Variants in DNAH11 observed in about 807,000 individuals in gnomAD.
DNAH11 encodes axonemal beta dynein heavy chain 11.
In DNAH11, 442 loss-of-function variants were observed where a neutral mutation model predicts 526.0. The ratio of observed to expected loss-of-function variants is 0.84; its 90% CI spans 0.78 to 0.91. DNAH11 has a LOEUF of 0.91. Ranked by LOEUF, DNAH11 falls within the 40% of genes least tolerant of loss-of-function variation. DNAH11 has a pLI of 0.00. For synonymous variants in DNAH11, 2,461 were observed against 1,935.9 expected, an observed-to-expected ratio of 1.27 and a Z score of -7.12; for missense variants, 6,989 against 5,448.7, an observed-to-expected ratio of 1.28 and a Z score of -8.90.
intron 74 of DNAH11, among the ~76,000 whole-genome samples, chr7:21,879,021 T>A (rs1334531250): frequency 7.9e-5 from 12 of 152,186 alleles, no homozygotes; most frequent in Non-Finnish European, 1.3e-4. Flanking sequence ...AACTGCCAAA[T>A]CTGAACATGG....
chr7:21,707,909 T>G, intron 40 of DNAH11, 74 bp downstream of exon 40: 1 of 1,465,470 alleles, frequency 6.8e-7, no homozygotes, highest in East Asian at 2.3e-5. Flanking sequence ...CAAGCCAATT[T>G]TAGTCATAGT....
At chr7:21,894,835 T>C in intron 78 of DNAH11, 30 bp downstream of exon 78, 2 of 1,611,888 alleles carry the variant, frequency 1.2e-6, no homozygotes, top group Admixed American at 1.7e-5. Flanking sequence ...ATAGTAGACT[T>C]CAGCACATTG....
intron 34 of DNAH11, among the ~76,000 whole-genome samples, chr7:21,689,640 C>A (rs1216060135): frequency 6.6e-6 from 1 of 152,216 alleles, no homozygotes; most frequent in Admixed American, 6.5e-5. Flanking sequence ...TGTCTGCCTT[C>A]CCTAGCCTGA....
chr7:21,726,757 A>C (rs1382336189), intron 45 of DNAH11, among the ~76,000 whole-genome samples: 1 of 140,898 alleles, frequency 7.1e-6, no homozygotes, highest in African/African-American at 2.6e-5. Flanking sequence ...GCTACTCGGG[A>C]GTCTGAGGCA....
At chr7:21,707,664 A>G (rs773188573) in intron 39 of DNAH11, 35 bp from the exon 40 acceptor site, 3 of 1,599,840 alleles carry the variant, frequency 1.9e-6, no homozygotes, top group Admixed American at 1.8e-5. Flanking sequence ...TTATGTTAGT[A>G]TTAATTTTTT....
intron 65 of DNAH11, among the ~76,000 whole-genome samples, chr7:21,822,173 A>ACTCATGGTTAAATC (rs1221533865): frequency 7.9e-5 from 12 of 152,248 alleles, no homozygotes; most frequent in African/African-American, 2.4e-4. Context: ...ATTTTTTTTA[A>ACTCATGGTTAAATC]AAAGAGTTTG....
At chr7:21,588,364 G>A in intron 10 of DNAH11, 148 bp from the exon 11 acceptor site, 2 of 1,310,718 alleles carry the variant, frequency 1.5e-6, no homozygotes, top group South Asian at 2.9e-5. Flanking sequence ...CTTGCTTTAG[G>A]ACTGTAACTC....
chr7:21,550,758 A>T (rs1315039898), intron 2 of DNAH11, among the ~76,000 whole-genome samples: 1 of 152,080 alleles, frequency 6.6e-6, no homozygotes, highest in African/African-American at 2.4e-5. Flanking sequence ...TCTAGGTACA[A>T]CCTGTTTTAA....
chr7:21,716,422 A>G (rs1784665556), intron 42 of DNAH11, among the ~76,000 whole-genome samples: 1 of 152,212 alleles, frequency 6.6e-6, no homozygotes, highest in Non-Finnish European at 1.5e-5. Flanking sequence ...GGAGGTTCAT[A>G]TTATTACCCT....
chr7:21,832,361 G>T (rs760432489), intron 65 of DNAH11, among the ~76,000 whole-genome samples: 1 of 152,154 alleles, frequency 6.6e-6, no homozygotes, highest in African/African-American at 2.4e-5. Flanking sequence ...GAAAGGCCTG[G>T]TGGTGACAAA....
intron 9 of DNAH11, among the ~76,000 whole-genome samples, chr7:21,586,281 A>G (rs1468144272): frequency 6.6e-6 from 1 of 152,222 alleles, no homozygotes; most frequent in African/African-American, 2.4e-5. Flanking sequence ...AAATACACTT[A>G]TCATTTCTTG....
chr7:21,601,278 T>C lies in DNAH11; in HGVS notation c.3425+99T>C, dbSNP rs1245561817. The stretch of plus-strand genomic sequence containing the variant: ...CGTATTAATGTTGCCAGTTTCATGA[T>C]AGAGATAAATGTTTAATCAGGTACA... On this transcript the variant is annotated intron_variant, in intron 17 of 81. Coordinates refer to ENST00000409508, the MANE Select transcript of DNAH11 (RefSeq NM_001277115.2). 3 of 1,447,976 alleles carry C rather than the reference T, an allele frequency of 2.1e-6. No homozygotes were observed. The East Asian group carries it at 6.9e-5, about 33-fold the overall frequency. The allele number at this position is 1,447,976 out of a possible 1,614,324, so 89.7% of individuals were successfully genotyped here.
At chr7:21,781,557 C>A (rs188111443) in intron 57 of DNAH11, among the ~76,000 whole-genome samples, 2 of 152,156 alleles carry the variant, frequency 1.3e-5, no homozygotes, top group Non-Finnish European at 2.9e-5. Context: ...TGAGTAGAGG[C>A]GCCTTCTAAA....
intron 57 of DNAH11, among the ~76,000 whole-genome samples, chr7:21,780,442 G>T (rs1787893124): frequency 6.6e-6 from 1 of 152,094 alleles, no homozygotes; most frequent in Non-Finnish European, 1.5e-5. Context: ...TATCACACAT[G>T]ATACAGTCAC....
At chr7:21,841,468 A>T (rs572891858) in intron 65 of DNAH11, among the ~76,000 whole-genome samples, 3 of 152,218 alleles carry the variant, frequency 2.0e-5, no homozygotes, top group African/African-American at 7.2e-5. Flanking sequence ...TGCTGGGACC[A>T]CTGTCTGTGT....
chr7:21,635,213 G>A (rs929847903), intron 25 of DNAH11, among the ~76,000 whole-genome samples: 4 of 152,108 alleles, frequency 2.6e-5, no homozygotes, highest in African/African-American at 9.7e-5. Flanking sequence ...TTGGAGTGCA[G>A]TGGCGTGATC....
At chr7:21,733,593 C>A (rs997249494) in intron 45 of DNAH11, among the ~76,000 whole-genome samples, 1 of 152,150 alleles carries the variant, frequency 6.6e-6, no homozygotes, top group South Asian at 2.1e-4. Flanking sequence ...GATTGATGCA[C>A]CTTAGCGATG....
chr7:21,626,323 C>T (rs1007814638), intron 25 of DNAH11, among the ~76,000 whole-genome samples: 1 of 152,074 alleles, frequency 6.6e-6, no homozygotes, highest in Non-Finnish European at 1.5e-5. Context: ...GAATAATATT[C>T]TATTGTATGT....
chr7:21,889,841 A>G (rs1197018639), intron 76 of DNAH11, among the ~76,000 whole-genome samples: 1 of 152,212 alleles, frequency 6.6e-6, no homozygotes, highest in Admixed American at 6.5e-5. Flanking sequence ...GCATCTTTTC[A>G]TAAAAAGTCT....
Sources: gnomAD v4.1 joint callset for allele counts (sites outside exome capture counted in the v4.1 genomes callset) on GRCh38, gnomAD v4.1.1 for gene constraint, MANE v1.5 for transcripts, NCBI Gene and HGNC (gene_info 2026-07-23, HGNC 2026-07-21) for gene names.